DMD: variants seen among roughly 807,000 people sequenced by gnomAD.
The protein encoded by DMD is dystrophin, also known as mutant dystrophin.
Under a neutral mutation model 330.1 loss-of-function variants are expected in DMD, and 63 were observed. The ratio of observed to expected loss-of-function variants is 0.19; its 90% confidence interval spans 0.16 to 0.24. The LOEUF (loss-of-function observed/expected upper bound fraction) is 0.24. Ranked by LOEUF, DMD falls within the 10% of genes least tolerant of loss-of-function variation. The pLI, the probability that DMD is intolerant of heterozygous loss-of-function variation, is 1.00. For synonymous variants in DMD, 1,223 were observed against 959.8 expected, an observed-to-expected ratio of 1.27 and a Z score of -5.07; for missense variants, 3,344 against 2,684.1, an observed-to-expected ratio of 1.25 and a Z score of -5.43.
At chrX:32,453,717 C>T (rs1372454724) in intron 26 of DMD, among the ~76,000 whole-genome samples, 3 of 110,716 alleles carry the variant, frequency 2.7e-5, no homozygotes, top group Non-Finnish European at 5.7e-5. Flanking sequence ...AGGAATTTGG[C>T]TCAGTAAGCT....
intron 52 of DMD, among the ~76,000 whole-genome samples, chrX:31,715,385 A>C (rs1336086882): frequency 9.5e-6 from 1 of 105,006 alleles, no homozygotes; most frequent in Non-Finnish European, 2.0e-5. Context: ...TCTACTAAAA[A>C]TACAAAAATT....
intron 1 of DMD, among the ~76,000 whole-genome samples, chrX:33,263,438 AAT>A (rs765418939): frequency 2.5e-4 from 26 of 103,889 alleles, no homozygotes; most frequent in South Asian, 4.1e-4. Flanking sequence ...CTTTTTAAAA[AAT>A]ATATATATAT....
At chrX:31,415,810 T>G (rs750912948) in intron 60 of DMD, among the ~76,000 whole-genome samples, 3 of 110,950 alleles carry the variant, frequency 2.7e-5, no homozygotes, top group Admixed American at 9.7e-5. Flanking sequence ...ATGCTGATGC[T>G]TGGAGCCCAC....
chrX:32,501,714 A>G, intron 19 of DMD, 41 bp downstream of exon 19: 2 of 1,031,968 alleles, frequency 1.9e-6, no homozygotes, highest in South Asian at 1.9e-5. Context: ...TGTGTTTATC[A>G]AATCCCTAAG....
intron 7 of DMD, among the ~76,000 whole-genome samples, chrX:32,805,723 A>G (rs1164440049): frequency 8.9e-6 from 1 of 112,243 alleles, no homozygotes; most frequent in African/African-American, 3.2e-5. Flanking sequence ...AGCCCATCAG[A>G]CTAACAGCAG....
intron 47 of DMD, among the ~76,000 whole-genome samples, chrX:31,921,297 C>A (rs1285743793): frequency 1.8e-5 from 2 of 111,834 alleles, no homozygotes; most frequent in African/African-American, 6.5e-5. Context: ...GCTTCTTAGG[C>A]AATAGGAGGA....
intron 1 of DMD, among the ~76,000 whole-genome samples, chrX:33,247,739 A>G (rs966104986): frequency 8.9e-6 from 1 of 112,124 alleles, no homozygotes; most frequent in Non-Finnish European, 1.9e-5. Flanking sequence ...GATTTTATGC[A>G]CAGCTGTAGA....
intron 7 of DMD, among the ~76,000 whole-genome samples, chrX:32,724,415 T>A (rs1460648315): frequency 8.9e-6 from 1 of 111,860 alleles, no homozygotes; most frequent in Admixed American, 9.6e-5. Flanking sequence ...GTCTGCTTTT[T>A]ATATGCTTAT....
intron 20 of DMD, among the ~76,000 whole-genome samples, chrX:32,487,103 T>A (rs1331075158): frequency 9.0e-6 from 1 of 111,251 alleles, no homozygotes; most frequent in Non-Finnish European, 1.9e-5. Flanking sequence ...CCTACTCATC[T>A]GACAAAGGGC....
chrX:32,671,751 G>T lies in DMD; in HGVS notation c.960+26119C>A, dbSNP rs763250977. 9.8e-5 allele frequency among the ~76,000 whole-genome samples: 11 copies of T among 111,864 alleles called. No homozygotes were observed. The South Asian group carries it at 3.7e-3, about 37-fold the overall frequency. ...TTATTAAACCCTATGGTTTGTTTCTGTAAATTCTATAGTACACATTTAAGA... is the reference window on the plus strand; with the variant it reads ...TTATTAAACCCTATGGTTTGTTTCTTTAAATTCTATAGTACACATTTAAGA... On this transcript the variant is annotated intron_variant, in intron 9 of 78. Transcript: ENST00000357033.
intron 9 of DMD, among the ~76,000 whole-genome samples, chrX:32,676,601 T>TTA (rs776046022): frequency 1.8e-5 from 2 of 111,399 alleles, no homozygotes; most frequent in Non-Finnish European, 3.8e-5. Flanking sequence ...GTGGACGCTA[T>TTA]TATGCACATT....
chrX:32,857,341 T>C (rs150239376), intron 2 of DMD, among the ~76,000 whole-genome samples: 1,202 of 112,268 alleles, frequency 0.011, 11 homozygotes, highest in East Asian at 0.051. Context: ...AAAATAAATT[T>C]ACACTTTCTA....
intron 1 of DMD, among the ~76,000 whole-genome samples, chrX:33,185,083 C>T (rs1036394880): frequency 9.1e-6 from 1 of 110,472 alleles, no homozygotes; most frequent in East Asian, 2.8e-4. Context: ...TTAGAAAATA[C>T]AGTGTCTCTC....
intron 48 of DMD, 89 bp downstream of exon 48, chrX:31,875,099 C>T: frequency 1.2e-6 from 1 of 849,689 alleles, no homozygotes; most frequent in South Asian, 2.4e-5. Context: ...AATATTTTGT[C>T]TTTAATAATG....
intron 7 of DMD, among the ~76,000 whole-genome samples, chrX:32,767,504 C>T (rs1418713683): frequency 1.8e-5 from 2 of 111,308 alleles, no homozygotes; most frequent in Non-Finnish European, 3.8e-5. Context: ...CCAATTCTGA[C>T]GTTTATATCC....
At chrX:31,488,017 T>C (rs1417078347) in intron 57 of DMD, among the ~76,000 whole-genome samples, 3 of 112,072 alleles carry the variant, frequency 2.7e-5, no homozygotes, top group Non-Finnish European at 1.9e-5. Flanking sequence ...AAAACAAAGA[T>C]TGTATTCTCT....
chrX:32,271,986 T>C (rs2097366784), intron 43 of DMD, among the ~76,000 whole-genome samples: 1 of 111,644 alleles, frequency 9.0e-6, no homozygotes, highest in Admixed American at 9.5e-5. Context: ...ATTATATACA[T>C]TTAAGGGCTC....
intron 55 of DMD, among the ~76,000 whole-genome samples, chrX:31,588,364 T>C (rs1209356169): frequency 1.8e-5 from 2 of 111,239 alleles, no homozygotes; most frequent in Admixed American, 9.6e-5. Context: ...CATCTAACTG[T>C]TGTTACACCA....
rs1033274184 is a variant in DMD, at chrX:31,587,952, T to C, written c.8217+39721A>G. Among the ~76,000 whole-genome samples the C allele has an allele frequency of 2.7e-5, 3 of 111,268 alleles. No homozygotes were observed. In the Admixed American group the frequency reaches 2.9e-4, roughly 11 times the overall value. On this transcript the variant is annotated intron_variant, in intron 55 of 78. Coordinates refer to ENST00000357033, the MANE Select transcript of DMD (RefSeq NM_004006.3). ...ATCAGTGTTCTCAAAGCCTGGTCCC[T>C]CACCAGCGGCATCAAAATCATGGAA...
Sources: gnomAD v4.1 joint callset for allele counts (sites outside exome capture counted in the v4.1 genomes callset) on GRCh38, gnomAD v4.1.1 for gene constraint, MANE v1.5 for transcripts, NCBI Gene and HGNC (gene_info 2026-07-23, HGNC 2026-07-21) for gene names.